Variants in CEMIP observed in about 807,000 individuals in gnomAD.
CEMIP encodes cell migration-inducing and hyaluronan-binding protein.
CEMIP carries 105 observed loss-of-function variants against 156.9 expected under a neutral mutation model. The ratio of observed to expected loss-of-function variants is 0.67; its 90% confidence interval spans 0.57 to 0.79. The LOEUF is 0.79. Ranked by LOEUF, CEMIP falls within the 30% of genes least tolerant of loss-of-function variation. CEMIP has a pLI of 0.00. For synonymous variants in CEMIP, 676 were observed against 668.4 expected (o/e 1.01, Z -0.17); for missense variants, 1,457 against 1,769.4 (o/e 0.82, Z 3.17).
At chr15:80,908,798 A>G (rs901243655) in intron 13 of CEMIP, among the ~76,000 whole-genome samples, 4 of 152,160 alleles carry the variant, frequency 2.6e-5, no homozygotes, top group Non-Finnish European at 4.4e-5. Context: ...ATGGTTTGGG[A>G]GACAGGAAAG....
At chr15:80,925,066 T>C (rs886261498) in intron 18 of CEMIP, among the ~76,000 whole-genome samples, 1 of 152,196 alleles carries the variant, frequency 6.6e-6, no homozygotes, top group African/African-American at 2.4e-5. Context: ...GGAAAGAACA[T>C]GCAAGTCATG....
In CEMIP at chr15:80,932,034, G is replaced by A. The variant is rs758270392; in HGVS notation, c.2788G>A (p.Val930Ile). ...CGTGACCGGCATTGCCTTTGAGGAC[G>A]TTCCGGTGAGTGAGGCGCCAGGGCA... The part of the protein sequence containing the change: ...NNVTGIAFED[V>I]PITSRVFFGE... The change falls in exon 22 of 30, where the codon GTT (valine) becomes ATT (isoleucine). Residue 930 changes from valine (V) to isoleucine (I), a missense_variant. This residue lies in a region of CEMIP where 798 missense variants were observed against 980.1 expected (regional missense o/e 0.81). Transcript: ENST00000394685. The surrounding 1 kb of genome is among the most constrained non-coding windows in gnomAD (Gnocchi z 4.5). The A allele has an allele frequency of 6.2e-6, 10 of 1,613,188 alleles. No individual in the cohort carries two copies. The highest frequency in any genetic ancestry group is 2.2e-5 in the East Asian group (1 of 44,894).
rs111403772 is a variant in CEMIP, at chr15:80,873,794, C to T, written c.-16-70C>T. The T allele has an allele frequency of 2.8e-3, 3,046 of 1,095,346 alleles. 53 individuals are homozygous for T. The African/African-American group carries it at 0.035, about 12-fold the overall frequency. 67.9% of individuals were successfully genotyped at this position (1,095,346 alleles called of 1,614,324 possible). A position where few individuals can be genotyped will look rare whatever the true frequency, so the allele number is the denominator to read the frequency against. On this transcript the variant is annotated intron_variant, in intron 2 of 29. Coordinates refer to ENST00000394685, the MANE Select transcript of CEMIP (RefSeq NM_001293298.2). ...GTGTGCATGTGGCTCTGTTTATCTC[C>T]ATGTCGGCCCTGTATACTGATTCCA...
At chr15:80,900,640 G>GTGTGTC (rs1899470655) in intron 12 of CEMIP, among the ~76,000 whole-genome samples, 3 of 130,412 alleles carry the variant, frequency 2.3e-5, no homozygotes, top group African/African-American at 5.6e-5. Context: ...GTGTGTGTGT[G>GTGTGTC]TGTGTGTGTC....
At chr15:80,814,551 C>A (rs1896747774) in intron 1 of CEMIP, among the ~76,000 whole-genome samples, 1 of 152,216 alleles carries the variant, frequency 6.6e-6, no homozygotes, top group South Asian at 2.1e-4. Flanking sequence ...ATGTCACCCA[C>A]TCTTAGAATT....
intron 9 of CEMIP, 125 bp from the exon 10 acceptor site, chr15:80,889,346 T>C (rs1195600848): frequency 1.5e-6 from 2 of 1,352,172 alleles, no homozygotes; most frequent in Non-Finnish European, 2.1e-6. Flanking sequence ...TGCCCCAGCC[T>C]GGTGCAACCA....
At chr15:80,887,895 G>A in intron 8 of CEMIP, 131 bp downstream of exon 8, 1 of 784,334 alleles carries the variant, frequency 1.3e-6, no homozygotes, top group African/African-American at 1.7e-5. Context: ...TGAGTGAGCA[G>A]CCGCTTAACT....
intron 23 of CEMIP, among the ~76,000 whole-genome samples, chr15:80,935,726 TTTTTTG>T (rs202036630): frequency 6.6e-6 from 1 of 152,140 alleles, no homozygotes; most frequent in Non-Finnish European, 1.5e-5. Context: ...ACATGGCGTT[TTTTTTG>T]TTTTTGTTTT....
intron 25 of CEMIP, 21 bp downstream of exon 25, chr15:80,938,000 C>G (rs1396641375): frequency 6.2e-7 from 1 of 1,606,698 alleles, no homozygotes; most frequent in South Asian, 1.1e-5. Flanking sequence ...GCCCACTTGG[C>G]TGCAGGAAAG....
chr15:80,822,090 C>G (rs774585043), intron 1 of CEMIP, among the ~76,000 whole-genome samples: 1 of 152,234 alleles, frequency 6.6e-6, no homozygotes, highest in Non-Finnish European at 1.5e-5. Context: ...TACCTGGGAT[C>G]TGACAGCCCC....
chr15:80,879,705 T>C lies in CEMIP; in HGVS notation c.242-11T>C, dbSNP rs921899098. The C allele has an allele frequency of 1.9e-6, 3 of 1,614,176 alleles. No individual in the cohort carries two copies. In the East Asian group the frequency reaches 6.7e-5, roughly 36 times the overall value. ...GTGTTATTAAACCTCCCCCCAATGC[T>C]ACCTCTTCAGGCAAGCTGGTCATTA... On this transcript the variant is annotated splice_polypyrimidine_tract_variant and intron_variant, in intron 4 of 29. Transcript: ENST00000394685.
intron 1 of CEMIP, among the ~76,000 whole-genome samples, chr15:80,789,694 T>C (rs966562623): frequency 6.6e-6 from 1 of 152,214 alleles, no homozygotes; most frequent in African/African-American, 2.4e-5. Context: ...ACTTTCCAGG[T>C]GACTGAGAAA....
chr15:80,900,642 GTGTGTGTC>G (rs1567090952), intron 12 of CEMIP, among the ~76,000 whole-genome samples: 148 of 127,162 alleles, frequency 1.2e-3, no homozygotes, highest in African/African-American at 2.9e-3. Flanking sequence ...GTGTGTGTGT[GTGTGTGTC>G]TGTGTGTGTG....
At chr15:80,836,127 A>AAAG (rs1200928663) in intron 1 of CEMIP, among the ~76,000 whole-genome samples, 10 of 151,696 alleles carry the variant, frequency 6.6e-5, no homozygotes, top group Admixed American at 6.6e-4. Context: ...TTTAAACCAA[A>AAAG]AAGTGCTTGG....
At position 80,922,086 on chromosome 15, in the gene CEMIP, G is replaced by C. The variant is rs1412784418; in HGVS notation, c.2151G>C (p.Glu717Asp). The C allele has an allele frequency of 6.2e-7, 1 of 1,614,236 alleles. No homozygotes were observed. Among genetic ancestry groups the C allele is most frequent in the Admixed American group, 1.7e-5 (1 of 60,036 alleles). Residue 717 changes from glutamate (E) to aspartate (D), a missense_variant, in exon 17 of 30, where the codon GAG (glutamate) becomes GAC (aspartate). By Grantham distance (45) the Glu-to-Asp change is conservative. Around this residue, in one of 5 missense-constraint regions of CEMIP, gnomAD observed 798 missense variants for 980.1 expected, o/e 0.81. Coordinates refer to ENST00000394685, the MANE Select transcript of CEMIP (RefSeq NM_001293298.2). ...SVGMYSPGYS[E>D]HIPLGKFYNN... ...GAATGTACTCCCCAGGTTATTCAGA[G>C]CACATTCCACTGGGAAAATTCTATA...
chr15:80,824,913 G>A (rs1471597067), intron 1 of CEMIP, among the ~76,000 whole-genome samples: 1 of 152,154 alleles, frequency 6.6e-6, no homozygotes, highest in Non-Finnish European at 1.5e-5. Context: ...AGGGCCTGTG[G>A]CAGAAGCAGT....
intron 7 of CEMIP, among the ~76,000 whole-genome samples, chr15:80,886,408 A>G (rs1263404406): frequency 6.6e-6 from 1 of 152,216 alleles, no homozygotes; most frequent in Non-Finnish European, 1.5e-5. Context: ...TTTAAGCAGG[A>G]AAGTGGACAG....
rs200407286 is a variant in CEMIP, at chr15:80,918,289, G to GA, written c.1798-1795dup. On this transcript the variant is annotated intron_variant, in intron 14 of 29. Transcript: ENST00000394685. ...GACCTTGTCTCACAAAAAGAAAAAA[G>GA]AAAAAAAAAAGACTTGAAGGAACTG... is the stretch of plus-strand genomic sequence containing the variant. 2.9e-3 allele frequency among the ~76,000 whole-genome samples: 425 copies of GA among 146,068 alleles called. 8 individuals are homozygous for GA. Among genetic ancestry groups the GA allele is most frequent in the Admixed American group, 0.016 (235 of 14,710 alleles).
intron 1 of CEMIP, among the ~76,000 whole-genome samples, chr15:80,812,196 C>T (rs73497059): frequency 6.6e-6 from 1 of 152,084 alleles, no homozygotes; most frequent in Non-Finnish European, 1.5e-5. Flanking sequence ...TGTTTTAACC[C>T]GAGTTGTTTG....
Sources: allele counts gnomAD v4.1 joint callset (sites outside exome capture counted in the v4.1 genomes callset), GRCh38; gene constraint gnomAD v4.1.1; regional missense constraint gnomAD v4.1.1; non-coding constraint Gnocchi (gnomAD v3.1); transcripts MANE v1.5; gene names NCBI Gene and HGNC (gene_info 2026-07-23, HGNC 2026-07-21).